The following SOS1 variants were observed in gnomAD, a reference collection of about 807,000 sequenced individuals.
The protein encoded by SOS1 is son of sevenless homolog 1.
SOS1 carries 25 observed loss-of-function variants against 157.6 expected under a neutral mutation model. That is an observed-to-expected ratio of 0.16 (90% CI 0.12 to 0.22). The LOEUF is 0.22. Among genes scored for constraint, SOS1 ranks in the 10% least tolerant of loss-of-function variants. The probability of loss-of-function intolerance (pLI) is 1.00; values close to 1 mark genes in which losing one functional copy is unlikely to be tolerated. For missense variants in SOS1, 1,237 were observed against 1,599.1 expected (o/e 0.77, Z 3.86); for synonymous variants, 528 against 534.0 (o/e 0.99, Z 0.16).
intron 1 of SOS1, among the ~76,000 whole-genome samples, chr2:39,089,232 T>G (rs946007615): frequency 6.6e-6 from 1 of 152,104 alleles, no homozygotes; most frequent in African/African-American, 2.4e-5. Flanking sequence ...TGTTCAAAAG[T>G]AGCCAACCTG....
At chr2:39,004,161 A>T (rs914716882) in intron 17 of SOS1, among the ~76,000 whole-genome samples, 1 of 152,170 alleles carries the variant, frequency 6.6e-6, no homozygotes, top group Non-Finnish European at 1.5e-5. Flanking sequence ...CAAGCCTGTA[A>T]TCCCAGCACT....
intron 1 of SOS1, among the ~76,000 whole-genome samples, chr2:39,097,720 T>C (rs1177565355): frequency 6.6e-6 from 1 of 152,048 alleles, no homozygotes; most frequent in Non-Finnish European, 1.5e-5. Context: ...TGCACCATCA[T>C]GCCCAGCTAA....
chr2:39,100,721 G>C lies in SOS1; in HGVS notation c.87+19615C>G, dbSNP rs1479938751. ...CCTTGAGACTAAGAGTTCAAGACCA[G>C]CCTAGGCAACACAGTGAGACCCTGT... On this transcript the variant is annotated intron_variant, in intron 1 of 22. Coordinates refer to ENST00000402219, the MANE Select transcript of SOS1 (RefSeq NM_005633.4). Among the ~76,000 whole-genome samples the C allele has an allele frequency of 2.0e-5, 3 of 152,158 alleles. No individual in the cohort carries two copies. In the East Asian group the frequency reaches 5.8e-4, roughly 29 times the overall value.
At chr2:39,109,955 T>G (rs1242162580) in intron 1 of SOS1, among the ~76,000 whole-genome samples, 1 of 151,538 alleles carries the variant, frequency 6.6e-6, no homozygotes, top group African/African-American at 2.4e-5. Flanking sequence ...TTACTATAAG[T>G]AGAGAAATCA....
chr2:39,081,352 T>A (rs1350724944), intron 1 of SOS1, among the ~76,000 whole-genome samples: 1 of 151,688 alleles, frequency 6.6e-6, no homozygotes, highest in Non-Finnish European at 1.5e-5. Flanking sequence ...AAACCCCGTC[T>A]CTAATAAAAA....
At chr2:39,007,973 C>T (rs1669334348) in intron 15 of SOS1, among the ~76,000 whole-genome samples, 1 of 152,008 alleles carries the variant, frequency 6.6e-6, no homozygotes, top group South Asian at 2.1e-4. Context: ...CAAGACTGGT[C>T]CCTCCCTTCT....
chr2:39,025,379 T>A (rs963793026), intron 8 of SOS1, among the ~76,000 whole-genome samples: 3 of 152,190 alleles, frequency 2.0e-5, no homozygotes, highest in Non-Finnish European at 2.9e-5. Context: ...AGATGGAGTC[T>A]TGCTCTGTAC....
At position 39,022,986 on chromosome 2, in the gene SOS1, G is replaced by A. The variant is rs730880383; in HGVS notation, c.1442C>T (p.Pro481Leu). 1 of 1,613,760 alleles carries A rather than the reference G, an allele frequency of 6.2e-7. No individual in the cohort carries two copies. The highest frequency in any genetic ancestry group is 8.5e-7 in the Non-Finnish European group (1 of 1,179,816). The change falls in exon 10 of 23, where the codon CCT becomes CTT. Residue 481 changes from proline to leucine, a missense_variant. Transcript: ENST00000402219. ...ACGATATTCTGCATTGCTAGCACCA[G>A]GAAGTCTTGGCTGCCCATGATTTGA... ...CKSNHGQPRL[P>L]GASNAEYRLK...
At chr2:39,075,247 G>C (rs1168044825) in intron 1 of SOS1, among the ~76,000 whole-genome samples, 1 of 152,100 alleles carries the variant, frequency 6.6e-6, no homozygotes, top group Non-Finnish European at 1.5e-5. Flanking sequence ...GAAGGAGGTA[G>C]GCTTGGATAA....
At chr2:39,029,493 G>A (rs1296591976) in intron 8 of SOS1, among the ~76,000 whole-genome samples, 1 of 151,612 alleles carries the variant, frequency 6.6e-6, no homozygotes, top group Non-Finnish European at 1.5e-5. Context: ...GCATGGTGGC[G>A]CACAACCAGA....
rs752687925 is a variant in SOS1, at chr2:39,120,455, G to T, written c.-33C>A. ...CCGGGGCGCCTCTGGGCGGGGAGAG[G>T]GGCGGCGGCGGCCGGGCCAGGGAGC... On this transcript the variant is annotated 5_prime_UTR_variant, in exon 1 of 23. Coordinates refer to ENST00000402219, the MANE Select transcript of SOS1 (RefSeq NM_005633.4). The T allele has an allele frequency of 8.4e-6, 13 of 1,542,616 alleles. No individual in the cohort carries two copies. The African/African-American group carries it at 1.6e-4, about 19-fold the overall frequency.
chr2:38,983,209 A>G lies in SOS1; in HGVS notation c.*2615T>C, dbSNP rs1253161246. 1 of 152,130 alleles carries G rather than the reference A, an allele frequency of 6.6e-6. No homozygotes were observed. Among genetic ancestry groups the G allele is most frequent in the East Asian group, 1.9e-4 (1 of 5,198 alleles). 9.4% of individuals were successfully genotyped at this position (152,130 alleles called of 1,614,324 possible). On this transcript the variant is annotated 3_prime_UTR_variant, in exon 23 of 23. Transcript: ENST00000402219. Reference sequence around the variant, plus strand: ...CAAAAGCAGAATTTTGTAATGATGCATTTATCTCCTCAGCCATTTCTGGTC... The same window carrying G: ...CAAAAGCAGAATTTTGTAATGATGCGTTTATCTCCTCAGCCATTTCTGGTC...
chr2:39,123,733 G>T (rs892464746), upstream of SOS1, among the ~76,000 whole-genome samples: 1 of 152,336 alleles, frequency 6.6e-6, no homozygotes, highest in East Asian at 1.9e-4. Context: ...CCTGCACACA[G>T]TAGGTAGCAA....
intron 1 of SOS1, among the ~76,000 whole-genome samples, chr2:39,084,492 G>A (rs1672305817): frequency 6.6e-6 from 1 of 152,064 alleles, no homozygotes. Flanking sequence ...TCCTGGGCAA[G>A]GCAGGGATGT....
chr2:38,999,332 G>T (rs1199980175), intron 17 of SOS1, among the ~76,000 whole-genome samples: 1 of 152,140 alleles, frequency 6.6e-6, no homozygotes, highest in East Asian at 1.9e-4. Flanking sequence ...ATAGACATAG[G>T]CAAGGGCTGG....
In SOS1 at chr2:38,998,137, C is replaced by G. The variant is rs147674741; in HGVS notation, c.2792-712G>C. On this transcript the variant is annotated intron_variant, in intron 17 of 22. Coordinates refer to ENST00000402219, the MANE Select transcript of SOS1 (RefSeq NM_005633.4). Reference sequence around the variant, plus strand: ...GTTTCCCCATCACTACAGCTGTACACTGGACGAGGAGGAGAATGAACAAAA... The same window carrying G: ...GTTTCCCCATCACTACAGCTGTACAGTGGACGAGGAGGAGAATGAACAAAA... Among the ~76,000 whole-genome samples the G allele has an allele frequency of 5.3e-3, 808 of 152,292 alleles. 8 individuals carry two copies. The highest frequency in any genetic ancestry group is 0.018 in the African/African-American group (740 of 41,566).
chr2:38,983,579 T>TAC lies in SOS1; in HGVS notation c.*2244_*2245insGT, dbSNP rs55672510. 1 of 11,656 alleles carries TAC rather than the reference T, an allele frequency of 8.6e-5. No individual in the cohort carries two copies. The highest frequency in any genetic ancestry group is 2.3e-3 in the Non-Finnish European group (1 of 434). The allele number at this position is 11,656 out of a possible 1,614,324, so 0.7% of individuals were successfully genotyped here. On this transcript the variant is annotated 3_prime_UTR_variant, in exon 23 of 23. Transcript: ENST00000402219. The stretch of plus-strand genomic sequence containing the variant: ...ATAGGTTGAAAAGGGGTTATCACCT[T>TAC]ATTGAAGGCTAACACATTAGCCGAA...
upstream of SOS1, among the ~76,000 whole-genome samples, chr2:39,123,577 C>T (rs1017852125): frequency 6.6e-6 from 1 of 151,930 alleles, no homozygotes; most frequent in Non-Finnish European, 1.5e-5. Flanking sequence ...AGGCTGGTCT[C>T]GAACTCCTGA....
intron 10 of SOS1, among the ~76,000 whole-genome samples, chr2:39,015,172 C>CA (rs1669591493): frequency 1.3e-5 from 2 of 151,860 alleles, no homozygotes; most frequent in Non-Finnish European, 2.9e-5. Context: ...ACCAGGATCT[C>CA]AAAGTATCAC....
Sources: allele counts gnomAD v4.1 joint callset (sites outside exome capture counted in the v4.1 genomes callset), GRCh38; gene constraint gnomAD v4.1.1; transcripts MANE v1.5; gene names NCBI Gene and HGNC (gene_info 2026-07-23, HGNC 2026-07-21).